The following HS3ST4 variants were observed in gnomAD, a reference collection of about 807,000 sequenced individuals.
HS3ST4 encodes the protein heparan sulfate-glucosamine 3-sulfotransferase 4.
Under a neutral mutation model 29.2 loss-of-function variants are expected in HS3ST4, and 17 were observed. That is an observed-to-expected ratio of 0.58 (90% CI 0.40 to 0.87). The LOEUF (loss-of-function observed/expected upper bound fraction) is 0.87, where lower values mean the gene tolerates loss of function less well. Among genes scored for constraint, HS3ST4 ranks in the 40% least tolerant of loss-of-function variants. HS3ST4 has a pLI of 0.00. For missense variants in HS3ST4, 627 were observed against 634.5 expected (o/e 0.99, Z 0.13); for synonymous variants, 314 against 285.7 (o/e 1.10, Z -1.00).
At chr16:25,729,691 C>T (rs1387710698) in intron 1 of HS3ST4, among the ~76,000 whole-genome samples, 1 of 152,196 alleles carries the variant, frequency 6.6e-6, no homozygotes, top group Non-Finnish European at 1.5e-5. Flanking sequence ...ATATCTTGCA[C>T]TTCGGCAAAA....
intron 1 of HS3ST4, among the ~76,000 whole-genome samples, chr16:25,828,301 CCTCTCTCT>C (rs1196055715): frequency 1.7e-3 from 57 of 32,890 alleles, no homozygotes; most frequent in East Asian, 0.011. Flanking sequence ...TCTTTCTTTC[CCTCTCTCT>C]CTCTCTCTCT....
intron 1 of HS3ST4, among the ~76,000 whole-genome samples, chr16:25,720,060 T>C (rs142970563): frequency 6.6e-6 from 1 of 152,216 alleles, no homozygotes; most frequent in East Asian, 1.9e-4. Context: ...CAGGTGATGG[T>C]AAATGAAATG....
chr16:25,961,823 C>T (rs977741817), intron 1 of HS3ST4, among the ~76,000 whole-genome samples: 99 of 51,062 alleles, frequency 1.9e-3, no homozygotes, highest in African/African-American at 0.016. Flanking sequence ...AAATTAATGA[C>T]CTAAAATCAT....
intron 1 of HS3ST4, among the ~76,000 whole-genome samples, chr16:25,935,368 G>A (rs1352397775): frequency 1.3e-5 from 2 of 152,112 alleles, no homozygotes; most frequent in African/African-American, 4.8e-5. Context: ...TCTTGGTGTT[G>A]TCCATTGTAT....
In HS3ST4 at chr16:25,692,328, CGGCGGCGGCGGG is replaced by C. The variant is rs1370694775; in HGVS notation, c.-80_-69del. The C allele has an allele frequency of 1.3e-4, 20 of 151,134 alleles. No homozygotes were observed. Among genetic ancestry groups the C allele is most frequent in the African/African-American group, 1.9e-4 (7 of 37,496 alleles). The allele number at this position is 151,134 out of a possible 1,614,324, so 9.4% of individuals were successfully genotyped here. ...GCAGCGGCGGCGGCGGCGGCGGCGG[CGGCGGCGGCGGG>C]GGCGGCGGCTGAAACCATGTCCGGG... is the stretch of plus-strand genomic sequence containing the variant. On this transcript the variant is annotated 5_prime_UTR_variant, in exon 1 of 2. Transcript: ENST00000331351.
intron 1 of HS3ST4, among the ~76,000 whole-genome samples, chr16:26,071,744 C>A (rs1898606023): frequency 6.6e-6 from 1 of 152,110 alleles, no homozygotes; most frequent in African/African-American, 2.4e-5. Context: ...AGTGAAGTGC[C>A]TAGGGTATAA....
intron 1 of HS3ST4, among the ~76,000 whole-genome samples, chr16:25,832,851 CA>C (rs1967318465): frequency 6.6e-6 from 1 of 152,098 alleles, no homozygotes; most frequent in South Asian, 2.1e-4. Flanking sequence ...CAATTTGCAG[CA>C]AAGACTCTCT....
chr16:26,020,295 A>G (rs1252046726), intron 1 of HS3ST4, among the ~76,000 whole-genome samples: 1 of 152,188 alleles, frequency 6.6e-6, no homozygotes, highest in Admixed American at 6.5e-5. Flanking sequence ...GAGAGTGTCT[A>G]GGGCCACAGC....
intron 1 of HS3ST4, among the ~76,000 whole-genome samples, chr16:26,001,276 AG>A (rs1969209698): frequency 6.6e-6 from 1 of 152,276 alleles, no homozygotes; most frequent in African/African-American, 2.4e-5. Flanking sequence ...TCGGGGTAAA[AG>A]GTCATGATAT....
intron 1 of HS3ST4, among the ~76,000 whole-genome samples, chr16:25,955,897 C>T (rs1289589894): frequency 6.6e-6 from 1 of 151,448 alleles, no homozygotes; most frequent in African/African-American, 2.4e-5. Flanking sequence ...TCACTGCAAC[C>T]TCCACCTCCT....
intron 1 of HS3ST4, among the ~76,000 whole-genome samples, chr16:26,050,137 A>G (rs1004643357): frequency 2.6e-5 from 4 of 152,098 alleles, no homozygotes; most frequent in Non-Finnish European, 5.9e-5. Flanking sequence ...CAACCCTCTA[A>G]TCTGCTTTGG....
At chr16:26,018,828 C>T (rs1313458190) in intron 1 of HS3ST4, among the ~76,000 whole-genome samples, 5 of 144,848 alleles carry the variant, frequency 3.5e-5, no homozygotes, top group African/African-American at 1.4e-4. Context: ...CAAGCCTCCT[C>T]ATGGAAAAAA....
intron 1 of HS3ST4, among the ~76,000 whole-genome samples, chr16:25,822,696 G>A (rs1043025294): frequency 5.3e-5 from 8 of 151,972 alleles, no homozygotes; most frequent in African/African-American, 1.9e-4. Context: ...TTGGAGGGTG[G>A]GTGGGGGAAG....
intron 1 of HS3ST4, among the ~76,000 whole-genome samples, chr16:25,902,463 G>A (rs1462273162): frequency 6.6e-6 from 1 of 151,976 alleles, no homozygotes; most frequent in Admixed American, 6.5e-5. Flanking sequence ...TCCAGCCTGG[G>A]CAACAGAGTG....
At chr16:26,103,353 A>G (rs1008558907) in intron 1 of HS3ST4, among the ~76,000 whole-genome samples, 2 of 152,296 alleles carry the variant, frequency 1.3e-5, no homozygotes, top group Middle Eastern at 3.4e-3. Flanking sequence ...ACACAGGGCC[A>G]TGTGACTCCA....
intron 1 of HS3ST4, among the ~76,000 whole-genome samples, chr16:25,844,603 A>G (rs1967445569): frequency 6.6e-6 from 1 of 152,212 alleles, no homozygotes; most frequent in African/African-American, 2.4e-5. Flanking sequence ...CACTATTGGT[A>G]GAAATGTTAA....
intron 1 of HS3ST4, among the ~76,000 whole-genome samples, chr16:25,901,896 A>G (rs1363804492): frequency 6.6e-6 from 1 of 152,164 alleles, no homozygotes; most frequent in Non-Finnish European, 1.5e-5. Context: ...TGGAAAATGG[A>G]GAAAAAATGA....
intron 1 of HS3ST4, among the ~76,000 whole-genome samples, chr16:26,063,387 GTGA>G (rs1898503577): frequency 6.6e-6 from 1 of 152,032 alleles, no homozygotes; most frequent in East Asian, 1.9e-4. Context: ...TCATGGATGT[GTGA>G]TAAGGAGAAA....
chr16:25,834,383 G>A (rs1337138701), intron 1 of HS3ST4, among the ~76,000 whole-genome samples: 1 of 152,166 alleles, frequency 6.6e-6, no homozygotes, highest in African/African-American at 2.4e-5. Context: ...GAGAAATTCT[G>A]GCATTGAGGT....
Sources: gnomAD v4.1 joint callset for allele counts (sites outside exome capture counted in the v4.1 genomes callset) on GRCh38, gnomAD v4.1.1 for gene constraint, MANE v1.5 for transcripts, NCBI Gene and HGNC (gene_info 2026-07-23, HGNC 2026-07-21) for gene names.